TENM2: variants seen among roughly 807,000 people sequenced by gnomAD.
The protein encoded by TENM2 is teneurin transmembrane protein 2, also known as teneurin-2.
In TENM2, 52 loss-of-function variants were observed where a neutral mutation model predicts 245.2. That is an observed-to-expected ratio of 0.21 (90% CI 0.17 to 0.27). The LOEUF is 0.27. Among genes scored for constraint, TENM2 ranks in the 10% least tolerant of loss-of-function variants. TENM2 has a pLI of 1.00. For missense variants in TENM2, 3,046 were observed against 3,666.8 expected, an observed-to-expected ratio of 0.83 and a Z score of 4.37; for synonymous variants, 1,363 against 1,438.9, an observed-to-expected ratio of 0.95 and a Z score of 1.19.
intron 2 of TENM2, among the ~76,000 whole-genome samples, chr5:167,782,825 G>T (rs368177432): frequency 1.1e-4 from 16 of 152,298 alleles, no homozygotes; most frequent in African/African-American, 3.8e-4. Flanking sequence ...TTATGGGAAG[G>T]CTGCTTTGGA....
rs10475519 is a variant in TENM2, at chr5:167,557,963, G to C, written c.502+182490G>C. Among the ~76,000 whole-genome samples the C allele has an allele frequency of 6.6e-3, 1,013 of 152,348 alleles. 21 individuals are homozygous for C. The highest frequency in any genetic ancestry group is 0.023 in the African/African-American group (969 of 41,572). Reference sequence around the variant, plus strand: ...AGAAAATATAACTTCTCATATTGCAGATTTAGTAATTGGAACTGCTGTGCA... The same window carrying C: ...AGAAAATATAACTTCTCATATTGCACATTTAGTAATTGGAACTGCTGTGCA... On this transcript the variant is annotated intron_variant, in intron 2 of 28. Transcript: ENST00000518659.
chr5:167,343,169 A>T (rs1337217559), intron 1 of TENM2, among the ~76,000 whole-genome samples: 2 of 152,042 alleles, frequency 1.3e-5, no homozygotes, highest in African/African-American at 4.8e-5. Flanking sequence ...CTATACACCC[A>T]TCATTGTGGG....
the TENM2 span, among the ~76,000 whole-genome samples, chr5:167,192,029 G>A: frequency 1.3e-5 from 2 of 152,004 alleles, no homozygotes; most frequent in Non-Finnish European, 2.9e-5. Flanking sequence ...AAAATCTTTA[G>A]CAACTCAACT....
chr5:167,948,564 A>G (rs894358466), intron 3 of TENM2, among the ~76,000 whole-genome samples: 9 of 152,242 alleles, frequency 5.9e-5, no homozygotes, highest in African/African-American at 9.6e-5. Flanking sequence ...AAAGCCACGC[A>G]GTACCTAAAA....
intron 4 of TENM2, among the ~76,000 whole-genome samples, chr5:167,967,770 A>G (rs1470754068): frequency 6.6e-6 from 1 of 152,226 alleles, no homozygotes; most frequent in East Asian, 1.9e-4. Context: ...GGTTAAGTTC[A>G]CAGTTGAAAA....
chr5:167,043,546 C>A, the TENM2 span, among the ~76,000 whole-genome samples: 1 of 152,014 alleles, frequency 6.6e-6, no homozygotes, highest in Non-Finnish European at 1.5e-5. Flanking sequence ...GCATCATGCT[C>A]GGGATACCTA....
At chr5:167,501,929 C>T (rs1180539377) in intron 2 of TENM2, among the ~76,000 whole-genome samples, 1 of 151,466 alleles carries the variant, frequency 6.6e-6, no homozygotes, top group Non-Finnish European at 1.5e-5. Context: ...GTATAATTGC[C>T]ACAACCCTAA....
At chr5:167,708,118 G>A (rs574676753) in intron 2 of TENM2, among the ~76,000 whole-genome samples, 1 of 152,170 alleles carries the variant, frequency 6.6e-6, no homozygotes, top group African/African-American at 2.4e-5. Flanking sequence ...CCTATTGATT[G>A]GTAGAAGCTG....
the TENM2 span, among the ~76,000 whole-genome samples, chr5:167,213,071 T>G: frequency 5.0e-3 from 759 of 152,350 alleles, 7 homozygotes; most frequent in African/African-American, 0.018. Flanking sequence ...ATTATAATCT[T>G]TAACACCAGC....
intron 9 of TENM2, 41 bp from the exon 12 acceptor site, chr5:168,118,251 T>A (rs1562180564): frequency 6.9e-7 from 1 of 1,447,428 alleles, no homozygotes; most frequent in Admixed American, 1.9e-5. Flanking sequence ...CCTCGGATGC[T>A]GGCCCTTCGT....
rs530394493 is a variant in TENM2, at chr5:167,634,847, T to C, written c.503-241139T>C. Among the ~76,000 whole-genome samples, 24 of 152,204 alleles carry C rather than the reference T, an allele frequency of 1.6e-4. No individual in the cohort carries two copies. The South Asian group carries it at 5.0e-3, about 32-fold the overall frequency. On this transcript the variant is annotated intron_variant, in intron 2 of 28. Transcript: ENST00000518659. ...CTACAATCATAGAGATGAGTGGAAT[T>C]GGAGAGGAAAGGTTTTAGAGGACAT...
intron 2 of TENM2, among the ~76,000 whole-genome samples, chr5:167,437,771 A>G (rs1218842671): frequency 6.6e-6 from 1 of 152,128 alleles, no homozygotes; most frequent in Non-Finnish European, 1.5e-5. Flanking sequence ...TGAAAAGGAC[A>G]AACCCATTTC....
intron 6 of TENM2, among the ~76,000 whole-genome samples, chr5:168,060,622 C>T (rs186208950): frequency 1.2e-3 from 188 of 152,284 alleles, no homozygotes; most frequent in African/African-American, 4.4e-3. Flanking sequence ...AAGATCGAAA[C>T]CAGTGTTTCT....
chr5:167,911,369 A>G (rs1489122481), intron 3 of TENM2, among the ~76,000 whole-genome samples: 2 of 151,254 alleles, frequency 1.3e-5, no homozygotes, highest in East Asian at 2.0e-4. Flanking sequence ...TACTAAAAAT[A>G]CAAAAAAAAT....
At chr5:167,339,474 T>G (rs750319904) in intron 1 of TENM2, among the ~76,000 whole-genome samples, 1 of 152,198 alleles carries the variant, frequency 6.6e-6, no homozygotes, top group Non-Finnish European at 1.5e-5. Flanking sequence ...TTAACCATAC[T>G]CATAGTGTTG....
chr5:167,857,554 C>G (rs1771204783), intron 2 of TENM2, among the ~76,000 whole-genome samples: 1 of 152,160 alleles, frequency 6.6e-6, no homozygotes, highest in Non-Finnish European at 1.5e-5. Context: ...TTCCTATGAT[C>G]TGGACATGCT....
intron 2 of TENM2, among the ~76,000 whole-genome samples, chr5:167,833,083 AAAGGTATGTG>A (rs1768653185): frequency 6.6e-6 from 1 of 152,274 alleles, no homozygotes; most frequent in South Asian, 2.1e-4. Flanking sequence ...CTTTTAGTAG[AAAGGTATGTG>A]AAGCCATTAT....
intron 2 of TENM2, among the ~76,000 whole-genome samples, chr5:167,748,041 C>T (rs17511302): frequency 0.063 from 9,613 of 152,154 alleles, 346 homozygotes; most frequent in Middle Eastern, 0.092. Flanking sequence ...TTTCATAATC[C>T]CCACATCCTA....
intron 2 of TENM2, among the ~76,000 whole-genome samples, chr5:167,385,242 G>A (rs1236898639): frequency 3.3e-5 from 5 of 151,858 alleles, no homozygotes; most frequent in East Asian, 1.9e-4. Context: ...TATCCTTGCC[G>A]CTTCTTCATG....
Sources: gnomAD v4.1 joint callset for allele counts (sites outside exome capture counted in the v4.1 genomes callset) on GRCh38, gnomAD v4.1.1 for gene constraint, MANE v1.5 for transcripts, NCBI Gene and HGNC (gene_info 2026-07-23, HGNC 2026-07-21) for gene names.